The following HMBOX1 variants were observed in gnomAD, a reference collection of about 807,000 sequenced individuals.
HMBOX1 encodes homeobox containing 1.
Under a neutral mutation model 54.5 loss-of-function variants are expected in HMBOX1, and 14 were observed. The ratio of observed to expected loss-of-function variants is 0.26; its 90% CI spans 0.17 to 0.40. The LOEUF (loss-of-function observed/expected upper bound fraction) is 0.40, where lower values mean the gene tolerates loss of function less well. HMBOX1 is among the 10% of genes least tolerant of loss of function. The pLI is 1.00. For synonymous variants in HMBOX1, 160 were observed against 181.0 expected (o/e 0.88, Z 0.93); for missense variants, 332 against 514.4 (o/e 0.65, Z 3.43).
chr8:28,904,201 A>G (rs536806776), intron 1 of HMBOX1, among the ~76,000 whole-genome samples: 5 of 150,988 alleles, frequency 3.3e-5, no homozygotes, highest in Non-Finnish European at 5.9e-5. Flanking sequence ...CCTTAAGGAC[A>G]TTTGTAATCT....
At chr8:28,953,479 T>C (rs559717981) in intron 1 of HMBOX1, among the ~76,000 whole-genome samples, 18 of 152,338 alleles carry the variant, frequency 1.2e-4, no homozygotes, top group African/African-American at 4.3e-4. Flanking sequence ...AACATGACTT[T>C]AACTTCTCGA....
At chr8:28,961,718 A>G (rs1825617261) in intron 1 of HMBOX1, among the ~76,000 whole-genome samples, 3 of 152,088 alleles carry the variant, frequency 2.0e-5, no homozygotes, top group Non-Finnish European at 2.9e-5. Context: ...GCTGGATCAT[A>G]TGGTAATTCT....
At chr8:29,047,540 C>T in intron 8 of HMBOX1, 87 bp downstream of exon 8, 3 of 663,930 alleles carry the variant, frequency 4.5e-6, no homozygotes, top group Non-Finnish European at 2.7e-6. Context: ...TTAGAAACTG[C>T]AAGTCTAAAG....
rs74926179 is a variant in HMBOX1, at chr8:28,894,522, C to T, written c.-58+3844C>T. 3.7e-3 allele frequency among the ~76,000 whole-genome samples: 566 copies of T among 152,238 alleles called. 10 individuals carry two copies. The highest frequency in any genetic ancestry group is 0.013 in the African/African-American group (540 of 41,538). On this transcript the variant is annotated intron_variant, in intron 1 of 9. Transcript: ENST00000287701. ...AAATACAGTTCTCTCAAAATGGAAGCTATTGATATTGAAAGTTTTCTCAAA... is the reference window on the plus strand; with the variant it reads ...AAATACAGTTCTCTCAAAATGGAAGTTATTGATATTGAAAGTTTTCTCAAA...
chr8:28,951,956 C>G (rs1329282918), intron 1 of HMBOX1, among the ~76,000 whole-genome samples: 1 of 151,838 alleles, frequency 6.6e-6, no homozygotes, highest in African/African-American at 2.4e-5. Context: ...ACACTTAAGC[C>G]CGATCAGGAG....
intron 5 of HMBOX1, among the ~76,000 whole-genome samples, chr8:29,011,138 A>C (rs1834170749): frequency 6.6e-6 from 1 of 152,226 alleles, no homozygotes; most frequent in African/African-American, 2.4e-5. Flanking sequence ...ATGGATAGCT[A>C]TGTGATAAAG....
At chr8:29,002,641 A>T (rs2132738687) in intron 4 of HMBOX1, among the ~76,000 whole-genome samples, 1 of 152,188 alleles carries the variant, frequency 6.6e-6, no homozygotes, top group South Asian at 2.1e-4. Context: ...GCTTTAGTGG[A>T]CTCTTTCGAG....
At position 29,000,290 on chromosome 8, in the gene HMBOX1, T is replaced by C. The variant is rs551215342; in HGVS notation, c.587-8782T>C. On this transcript the variant is annotated intron_variant, in intron 4 of 9. Transcript: ENST00000287701. ...TATAATTCTGCGTAAACCTTCACTT[T>C]CTCTTTGTACTAGGTCTCAAGGTCA... Among the ~76,000 whole-genome samples, 46 of 152,318 alleles carry C rather than the reference T, an allele frequency of 3.0e-4. 2 individuals are homozygous for C. In the South Asian group the frequency reaches 7.3e-3, roughly 24 times the overall value.
At chr8:29,001,700 C>T (rs1391997049) in intron 4 of HMBOX1, among the ~76,000 whole-genome samples, 3 of 152,106 alleles carry the variant, frequency 2.0e-5, no homozygotes, top group Non-Finnish European at 2.9e-5. Flanking sequence ...TTATCACATG[C>T]GTCTGTATAT....
intron 3 of HMBOX1, among the ~76,000 whole-genome samples, chr8:28,972,141 A>G (rs566317669): frequency 2.0e-5 from 3 of 152,350 alleles, no homozygotes; most frequent in Admixed American, 1.3e-4. Flanking sequence ...CAGATACAGT[A>G]TAAATAAAGT....
chr8:28,942,631 A>T (rs1821649428), intron 1 of HMBOX1, among the ~76,000 whole-genome samples: 1 of 151,962 alleles, frequency 6.6e-6, no homozygotes. Flanking sequence ...TTCATAACTG[A>T]CATGTGTATA....
intron 6 of HMBOX1, among the ~76,000 whole-genome samples, chr8:29,042,280 G>A (rs1175299305): frequency 2.0e-5 from 3 of 152,140 alleles, no homozygotes; most frequent in Non-Finnish European, 2.9e-5. Context: ...AGACAAAAGC[G>A]GAGAAGTTGA....
chr8:28,917,293 T>G (rs1044439614), intron 1 of HMBOX1, among the ~76,000 whole-genome samples: 1 of 152,198 alleles, frequency 6.6e-6, no homozygotes, highest in Non-Finnish European at 1.5e-5. Context: ...TTATTAGACT[T>G]ATGCCTAAAT....
intron 1 of HMBOX1, among the ~76,000 whole-genome samples, chr8:28,914,031 C>T (rs1380031881): frequency 2.6e-5 from 4 of 151,954 alleles, no homozygotes; most frequent in Admixed American, 1.3e-4. Context: ...CCACCACATC[C>T]GGCTAATTTC....
At chr8:29,021,313 T>C (rs1394582463) in intron 6 of HMBOX1, among the ~76,000 whole-genome samples, 1 of 151,906 alleles carries the variant, frequency 6.6e-6, no homozygotes, top group Non-Finnish European at 1.5e-5. Context: ...ATCCTGGCAA[T>C]GGGAAAAATA....
chr8:28,945,944 CTTTTTTT>C (rs58698981), intron 1 of HMBOX1, among the ~76,000 whole-genome samples: 56 of 129,238 alleles, frequency 4.3e-4, no homozygotes, highest in Admixed American at 7.0e-4. Context: ...AGGGCATATT[CTTTTTTT>C]TTTTTTTTTT....
intron 1 of HMBOX1, among the ~76,000 whole-genome samples, chr8:28,900,267 A>ATATATATAT (rs1243910972): frequency 0.03 from 1,611 of 53,918 alleles, 10 homozygotes; most frequent in Non-Finnish European, 0.051. Flanking sequence ...AAAAAAAAAA[A>ATATATATAT]AAAAATATAT....
intron 1 of HMBOX1, among the ~76,000 whole-genome samples, chr8:28,939,065 G>A (rs910103886): frequency 6.6e-6 from 1 of 152,012 alleles, no homozygotes; most frequent in Admixed American, 6.5e-5. Flanking sequence ...TGAGGTGGGC[G>A]GATCACCTGA....
At chr8:28,907,849 CTT>C (rs1169064905) in intron 1 of HMBOX1, among the ~76,000 whole-genome samples, 34 of 144,168 alleles carry the variant, frequency 2.4e-4, no homozygotes, top group Admixed American at 2.8e-4. Context: ...TTCTTTCTTT[CTT>C]TTTTTTTTTT....
Sources: allele counts gnomAD v4.1 joint callset (sites outside exome capture counted in the v4.1 genomes callset), GRCh38; gene constraint gnomAD v4.1.1; transcripts MANE v1.5; gene names NCBI Gene and HGNC (gene_info 2026-07-23, HGNC 2026-07-21).